Variants in NECTIN3 observed in about 807,000 individuals in gnomAD.
NECTIN3 encodes the protein nectin-3.
In NECTIN3, 8 loss-of-function variants were observed where a neutral mutation model predicts 49.4. The ratio of observed to expected loss-of-function variants is 0.16; its 90% CI spans 0.10 to 0.29. The LOEUF is 0.29. NECTIN3 is among the 10% of genes least tolerant of loss of function. The probability of loss-of-function intolerance (pLI) is 1.00; values close to 1 mark genes in which losing one functional copy is unlikely to be tolerated. For synonymous variants in NECTIN3, 277 were observed against 241.1 expected (o/e 1.15, Z -1.38); for missense variants, 581 against 654.6 (o/e 0.89, Z 1.23).
chr3:111,159,056 T>C (rs1373842394), intron 7 of NECTIN3, among the ~76,000 whole-genome samples: 2 of 152,344 alleles, frequency 1.3e-5, no homozygotes, highest in Non-Finnish European at 2.9e-5. Flanking sequence ...TTAGATTTGC[T>C]GACATTAAGA....
intron 1 of NECTIN3, chr3:111,074,394 G>A (rs1222297457): frequency 2.9e-6 from 1 of 345,258 alleles, no homozygotes; most frequent in Non-Finnish European, 5.9e-6. Context: ...AGATTTTTAA[G>A]CTTTAAAAAT....
chr3:111,087,998 G>A (rs1486052527), intron 1 of NECTIN3, among the ~76,000 whole-genome samples: 1 of 152,070 alleles, frequency 6.6e-6, no homozygotes, highest in Non-Finnish European at 1.5e-5. Context: ...GTGCCTGGCA[G>A]AAGAAGCCTT....
chr3:111,083,306 C>A (rs1359191606), intron 1 of NECTIN3, among the ~76,000 whole-genome samples: 1 of 152,110 alleles, frequency 6.6e-6, no homozygotes, highest in Non-Finnish European at 1.5e-5. Flanking sequence ...AGTTTGTGTT[C>A]CCCTTCTCCC....
chr3:111,135,171 GTTAT>G lies in NECTIN3; in HGVS notation c.*960_*963del. The G allele has an allele frequency of 1.0e-6, 1 of 982,366 alleles. No homozygotes were observed. The highest frequency in any genetic ancestry group is 1.2e-6 in the Non-Finnish European group (1 of 827,328). 60.9% of individuals were successfully genotyped at this position (982,366 alleles called of 1,614,324 possible). A position where few individuals can be genotyped will look rare whatever the true frequency, so the allele number is the denominator to read the frequency against. ...GAATTTTATGGACCATCTTGTTTTA[GTTAT>G]TTAATGTTGATGTTGTTCAAATGGG... On this transcript the variant is annotated 3_prime_UTR_variant, in exon 6 of 6. Transcript: ENST00000485303.
chr3:111,136,234 A>G lies in NECTIN3; in HGVS notation c.*2019A>G, dbSNP rs1479485616. Reference sequence around the variant, plus strand: ...TAATCACATTTAGGATTCTATATAAATCTCAACTGGAGTATAATCTGAAGG... The same window carrying G: ...TAATCACATTTAGGATTCTATATAAGTCTCAACTGGAGTATAATCTGAAGG... On this transcript the variant is annotated 3_prime_UTR_variant, in exon 6 of 6. Coordinates refer to ENST00000485303, the MANE Select transcript of NECTIN3 (RefSeq NM_015480.3). 1.0e-6 allele frequency: 1 copy of G among 960,266 alleles called. No homozygotes were observed. The highest frequency in any genetic ancestry group is 1.2e-6 in the Non-Finnish European group (1 of 807,394). 59.5% of individuals were successfully genotyped at this position (960,266 alleles called of 1,614,324 possible).
chr3:111,174,330 A>G (rs2035486035), intron 7 of NECTIN3, among the ~76,000 whole-genome samples: 1 of 152,226 alleles, frequency 6.6e-6, no homozygotes, highest in Non-Finnish European at 1.5e-5. Context: ...TCTGAGCTGA[A>G]CTACTGATTC....
intron 1 of NECTIN3, among the ~76,000 whole-genome samples, chr3:111,091,496 C>A (rs2107393011): frequency 6.6e-6 from 1 of 152,282 alleles, no homozygotes; most frequent in Admixed American, 6.5e-5. Flanking sequence ...TCATGATTCA[C>A]CCGCCTCGGC....
chr3:111,178,991 A>T (rs79722590), intron 7 of NECTIN3, among the ~76,000 whole-genome samples: 4,046 of 152,320 alleles, frequency 0.027, 123 homozygotes, highest in African/African-American at 0.077. Context: ...TTGTCTTACT[A>T]TAAATCTTGG....
At chr3:111,124,927 A>G (rs766892577) in intron 4 of NECTIN3, among the ~76,000 whole-genome samples, 4 of 152,112 alleles carry the variant, frequency 2.6e-5, no homozygotes, top group African/African-American at 4.8e-5. Flanking sequence ...AATTGAATGA[A>G]GGAATAAGTG....
Position 111,135,969 on chromosome 3 carries a change from T to C in NECTIN3, c.*1754T>C. 2 of 944,848 alleles carry C rather than the reference T, an allele frequency of 2.1e-6. No individual in the cohort carries two copies. The highest frequency in any genetic ancestry group is 4.9e-5 in the South Asian group (1 of 20,400). 58.5% of individuals were successfully genotyped at this position (944,848 alleles called of 1,614,324 possible). On this transcript the variant is annotated 3_prime_UTR_variant, in exon 6 of 6. Coordinates refer to ENST00000485303, the MANE Select transcript of NECTIN3 (RefSeq NM_015480.3). ...CTTCTTACAAATGTCTGGGTTTTAA[T>C]ATGGTTAATCACTTATATACAAATA...
chr3:111,158,199 G>A (rs1393027226), intron 7 of NECTIN3, among the ~76,000 whole-genome samples: 1 of 151,978 alleles, frequency 6.6e-6, no homozygotes, highest in African/African-American at 2.4e-5. Context: ...CTTTACAGTA[G>A]CTTTAACCAC....
chr3:111,116,998 A>G (rs1022289274), intron 2 of NECTIN3, among the ~76,000 whole-genome samples: 3 of 152,142 alleles, frequency 2.0e-5, no homozygotes. Flanking sequence ...GTGCACAAAT[A>G]TGCTAAGATA....
chr3:111,192,579 G>C (rs1020750222), intron 1 of NECTIN3, among the ~76,000 whole-genome samples: 2 of 152,156 alleles, frequency 1.3e-5, no homozygotes, highest in African/African-American at 4.8e-5. Context: ...AAGTAATCAA[G>C]TTTTATGAAA....
At chr3:111,160,562 A>G (rs868674984) in intron 7 of NECTIN3, among the ~76,000 whole-genome samples, 30 of 151,692 alleles carry the variant, frequency 2.0e-4, no homozygotes, top group African/African-American at 7.0e-4. Flanking sequence ...TTTCATATCA[A>G]CTCTTTTTTA....
intron 5 of NECTIN3, among the ~76,000 whole-genome samples, chr3:111,144,206 T>C (rs890389940): frequency 1.3e-5 from 2 of 152,008 alleles, no homozygotes; most frequent in Non-Finnish European, 2.9e-5. Context: ...TCTTAAAAAA[T>C]TGTGGTGCAG....
At chr3:111,193,256 T>C in intron 1 of NECTIN3, 1 of 1,535,874 alleles carries the variant, frequency 6.5e-7, no homozygotes, top group East Asian at 2.4e-5. Context: ...TTGGGGAAGA[T>C]GGCATTCAGC....
At chr3:111,156,655 G>A (rs932100021) in intron 7 of NECTIN3, among the ~76,000 whole-genome samples, 8 of 152,144 alleles carry the variant, frequency 5.3e-5, no homozygotes, top group African/African-American at 1.9e-4. Context: ...TTATGAGAAT[G>A]GGTATCTTTA....
At chr3:111,193,304 C>T in intron 1 of NECTIN3, 1 of 1,535,886 alleles carries the variant, frequency 6.5e-7, no homozygotes, top group Middle Eastern at 1.7e-4. Context: ...GCTACCAAGA[C>T]CGGAGCCCTG....
chr3:111,104,313 CTT>C (rs935543116), intron 1 of NECTIN3, among the ~76,000 whole-genome samples: 4 of 89,276 alleles, frequency 4.5e-5, no homozygotes, highest in African/African-American at 1.3e-4. Context: ...CTGTTCAGAT[CTT>C]TTTTTTTTTT....
Sources: allele counts gnomAD v4.1 joint callset (sites outside exome capture counted in the v4.1 genomes callset), GRCh38; gene constraint gnomAD v4.1.1; transcripts MANE v1.5; gene names NCBI Gene and HGNC (gene_info 2026-07-23, HGNC 2026-07-21).